TMBIM1: variants seen among roughly 807,000 people sequenced by gnomAD.
TMBIM1 encodes protein lifeguard 3.
Under a neutral mutation model 45.1 loss-of-function variants are expected in TMBIM1, and 34 were observed. The ratio of observed to expected loss-of-function variants is 0.75; its 90% CI spans 0.57 to 1.00. The LOEUF (loss-of-function observed/expected upper bound fraction) is 1.00. TMBIM1 is among the 50% of genes least tolerant of loss of function. The pLI is 0.00. For synonymous variants in TMBIM1, 157 were observed against 153.5 expected, an observed-to-expected ratio of 1.02 and a Z score of -0.17; for missense variants, 374 against 402.4, an observed-to-expected ratio of 0.93 and a Z score of 0.60.
In TMBIM1 at chr2:218,275,376, G is replaced by T; in HGVS notation, c.*99C>A. The stretch of plus-strand genomic sequence containing the variant: ...AGGAAACTGGGCATGTTACTCAAGG[G>T]GAAGGAAAGGGGCCTAAAGCCCAGA... On this transcript the variant is annotated 3_prime_UTR_variant, in exon 12 of 12. Coordinates refer to ENST00000258412, the MANE Select transcript of TMBIM1 (RefSeq NM_022152.6). The T allele has an allele frequency of 2.1e-6, 3 of 1,458,794 alleles. No individual in the cohort carries two copies. The highest frequency in any genetic ancestry group is 2.7e-6 in the Non-Finnish European group (3 of 1,097,332). The allele number at this position is 1,458,794 out of a possible 1,614,324, so 90.4% of individuals were successfully genotyped here. A position where few individuals can be genotyped will look rare whatever the true frequency, so the allele number is the denominator to read the frequency against.
intron 1 of TMBIM1, among the ~76,000 whole-genome samples, chr2:218,283,585 G>C (rs912893092): frequency 6.6e-6 from 1 of 152,206 alleles, no homozygotes; most frequent in Non-Finnish European, 1.5e-5. Context: ...GACACCCCCA[G>C]ATGCAGGTCA....
intron 1 of TMBIM1, among the ~76,000 whole-genome samples, chr2:218,288,686 G>A (rs1450833068): frequency 7.2e-5 from 11 of 152,084 alleles, no homozygotes; most frequent in Non-Finnish European, 1.2e-4. Flanking sequence ...CCCCAAATCC[G>A]AAAAAATCCA....
intron 3 of TMBIM1, 83 bp from the exon 4 acceptor site, chr2:218,279,436 C>G (rs780548136): frequency 5.4e-6 from 7 of 1,297,338 alleles, no homozygotes; most frequent in Non-Finnish European, 7.3e-6. Flanking sequence ...GTACTTTCCT[C>G]CCACTCAAGA....
At chr2:218,279,654 C>G (rs906305204) in intron 3 of TMBIM1, 10 of 485,704 alleles carry the variant, frequency 2.1e-5, no homozygotes, top group Non-Finnish European at 3.7e-5. Flanking sequence ...TCAGTCTGCA[C>G]GCTCTATGCA....
At chr2:218,277,221 T>A in intron 9 of TMBIM1, 122 bp from the exon 10 acceptor site, 1 of 1,163,160 alleles carries the variant, frequency 8.6e-7, no homozygotes, top group Non-Finnish European at 1.3e-6. Flanking sequence ...CACAACATTC[T>A]AAGGACAGAA....
At chr2:218,284,863 G>A (rs562896120) in intron 1 of TMBIM1, among the ~76,000 whole-genome samples, 111 of 152,330 alleles carry the variant, frequency 7.3e-4, no homozygotes, top group Non-Finnish European at 1.2e-3. Flanking sequence ...GGCCGAGGCA[G>A]GTGGATCACC....
intron 2 of TMBIM1, among the ~76,000 whole-genome samples, chr2:218,281,144 T>TTTTTTTGGTTTC (rs1559504889): frequency 7.6e-6 from 1 of 130,846 alleles, no homozygotes; most frequent in Non-Finnish European, 1.7e-5. Flanking sequence ...TTTTTTGGTT[T>TTTTTTTGGTTTC]TTTTTTTGAG....
intron 2 of TMBIM1, among the ~76,000 whole-genome samples, chr2:218,281,150 T>TGGTTTTTTTTTC (rs1691938106): frequency 6.8e-6 from 1 of 146,478 alleles, no homozygotes; most frequent in Admixed American, 6.7e-5. Flanking sequence ...GGTTTTTTTT[T>TGGTTTTTTTTTC]TGAGACAGAG....
Position 218,282,198 on chromosome 2 carries a change from GA to G in TMBIM1, c.-40-18del. ...TGCTGGGACCTGAAATGGGAGAGGAGAAAAGCAATCGTGAATGCCCAGGCCC... is the reference window on the plus strand; with the variant it reads ...TGCTGGGACCTGAAATGGGAGAGGAGAAAGCAATCGTGAATGCCCAGGCCC... On this transcript the variant is annotated intron_variant, in intron 1 of 11. Coordinates refer to ENST00000258412, the MANE Select transcript of TMBIM1 (RefSeq NM_022152.6). 10 of 1,364,084 alleles carry G rather than the reference GA, an allele frequency of 7.3e-6. No homozygotes were observed. The highest frequency in any genetic ancestry group is 9.7e-6 in the Non-Finnish European group (10 of 1,032,426). The allele number at this position is 1,364,084 out of a possible 1,614,324, so 84.5% of individuals were successfully genotyped here.
At chr2:218,279,681 G>C (rs1691666793) in intron 3 of TMBIM1, 2 of 489,426 alleles carry the variant, frequency 4.1e-6, no homozygotes, top group Non-Finnish European at 7.4e-6. Context: ...AGATGGAGAG[G>C]GTGGGTTACA....
intron 10 of TMBIM1, among the ~76,000 whole-genome samples, 165 bp from the exon 11 acceptor site, chr2:218,276,244 G>A (rs146808745): frequency 6.6e-6 from 1 of 152,274 alleles, no homozygotes; most frequent in Non-Finnish European, 1.5e-5. Context: ...ATTAAGACTG[G>A]TGATATATCC....
At position 218,280,133 on chromosome 2, in the gene TMBIM1, A is replaced by T. The variant is rs1691730585; in HGVS notation, c.203-7T>A. ...TCATAGCCATGGCCTGGGCCTAGGG[A>T]CAGATGACACTTGACTCAGCTGGGG... On this transcript the variant is annotated splice_polypyrimidine_tract_variant and splice_region_variant and intron_variant, in intron 2 of 11. Coordinates refer to ENST00000258412, the MANE Select transcript of TMBIM1 (RefSeq NM_022152.6). 6.9e-6 allele frequency: 11 copies of T among 1,605,560 alleles called. No homozygotes were observed. Among genetic ancestry groups the T allele is most frequent in the Non-Finnish European group, 9.4e-6 (11 of 1,172,326 alleles).
rs756815431 is a variant in TMBIM1 at position 218,277,107 on chromosome 2, G to A, written c.640-8C>T. 9.9e-6 allele frequency: 16 copies of A among 1,613,518 alleles called. No homozygotes were observed. Among genetic ancestry groups the A allele is most frequent in the South Asian group, 7.7e-5 (7 of 91,034 alleles). ...GCACGAGGTGAAGTCCACCTGCCAG[G>A]AAGCAAGAAAGAGGCACCTGTCAGA... On this transcript the variant is annotated splice_polypyrimidine_tract_variant and splice_region_variant and intron_variant, in intron 9 of 11. Coordinates refer to ENST00000258412, the MANE Select transcript of TMBIM1 (RefSeq NM_022152.6).
intron 1 of TMBIM1, chr2:218,286,517 A>G (rs1168365703): frequency 2.0e-5 from 3 of 152,226 alleles, no homozygotes; most frequent in Non-Finnish European, 4.4e-5. Context: ...CCCCATTAGG[A>G]AGGAACCAGA....
rs778935452 is a variant in TMBIM1, at chr2:218,277,360, C to T, written c.639+6G>A. On this transcript the variant is annotated splice_donor_region_variant and intron_variant, in intron 9 of 11. Coordinates refer to ENST00000258412, the MANE Select transcript of TMBIM1 (RefSeq NM_022152.6). ...GGGGCCAGGGAAGGGCCCTCCATGC[C>T]CTCACCTTGGTCTGAAAGCAGAAGA... 21 of 1,613,726 alleles carry T rather than the reference C, an allele frequency of 1.3e-5. No individual in the cohort carries two copies. The highest frequency in any genetic ancestry group is 2.5e-6 in the Non-Finnish European group (3 of 1,179,808).
intron 1 of TMBIM1, among the ~76,000 whole-genome samples, chr2:218,290,839 C>G (rs1276176481): frequency 6.6e-6 from 1 of 152,216 alleles, no homozygotes; most frequent in Non-Finnish European, 1.5e-5. Context: ...CAAGGTCATC[C>G]CTTCCACTGT....
Position 218,278,521 on chromosome 2 carries a change from C to T in TMBIM1, c.467G>A (p.Gly156Glu). 1.9e-6 allele frequency: 3 copies of T among 1,614,176 alleles called. No individual in the cohort carries two copies. The highest frequency in any genetic ancestry group is 2.5e-6 in the Non-Finnish European group (3 of 1,180,002). ...VTYLILACCQ[G>E]PRRRFPWNII... ...TTAAGTCTCTGGGACTCACCTGGGT[C>T]CCTGGCAGCAGGCAAGGATCAGGTA... The change falls in exon 6 of 12, where the codon GGA (glycine) becomes GAA (glutamate). Residue 156 changes from glycine (G) to glutamate (E), a missense_variant. Transcript: ENST00000258412.
intron 10 of TMBIM1, 77 bp from the exon 11 acceptor site, chr2:218,276,156 G>T: frequency 6.6e-7 from 1 of 1,512,448 alleles, no homozygotes; most frequent in Non-Finnish European, 9.1e-7. Context: ...CTTCCCCCGG[G>T]ATAGTGGCAT....
At chr2:218,280,805 C>CTTTTTTTTTTTTTTTT (rs950294415) in intron 2 of TMBIM1, 1 of 104,040 alleles carries the variant, frequency 9.6e-6, no homozygotes, top group African/African-American at 4.5e-5. Flanking sequence ...ACCTCATTTC[C>CTTTTTTTTTTTTTTTT]TTTTTTTTTT....
Sources: gnomAD v4.1 joint callset for allele counts (sites outside exome capture counted in the v4.1 genomes callset) on GRCh38, gnomAD v4.1.1 for gene constraint, MANE v1.5 for transcripts, NCBI Gene and HGNC (gene_info 2026-07-23, HGNC 2026-07-21) for gene names.